Variants in NKAIN1 observed in about 807,000 individuals in gnomAD.
NKAIN1 encodes sodium/potassium-transporting ATPase subunit beta-1-interacting protein 1.
A neutral mutation model predicts 31.6 loss-of-function variants in NKAIN1; 13 were observed. The observed-to-expected ratio is 0.41, with a 90% CI of 0.27 to 0.65. The LOEUF (loss-of-function observed/expected upper bound fraction) is 0.65. NKAIN1 is among the 30% of genes least tolerant of loss of function. The probability of loss-of-function intolerance (pLI) is 0.30; values close to 1 mark genes in which losing one functional copy is unlikely to be tolerated. For missense variants in NKAIN1, 193 were observed against 262.2 expected, an observed-to-expected ratio of 0.74 and a Z score of 1.82; for synonymous variants, 104 against 109.0, an observed-to-expected ratio of 0.95 and a Z score of 0.28.
At chr1:31,217,672 C>T (rs554610407) in intron 1 of NKAIN1, among the ~76,000 whole-genome samples, 2 of 152,324 alleles carry the variant, frequency 1.3e-5, no homozygotes, top group South Asian at 2.1e-4. Flanking sequence ...TGGAATTACA[C>T]GCCCAGTCTC....
At chr1:31,218,074 T>TCTTTCTCTTTCTTTCTTTC (rs1570472285) in intron 1 of NKAIN1, among the ~76,000 whole-genome samples, 1 of 148,280 alleles carries the variant, frequency 6.7e-6, no homozygotes, top group African/African-American at 2.6e-5. Context: ...CTTTCTTTTT[T>TCTTTCTCTTTCTTTCTTTC]TTTTTTGAGA....
intron 1 of NKAIN1, among the ~76,000 whole-genome samples, chr1:31,223,521 T>G (rs1426803978): frequency 6.6e-6 from 1 of 152,162 alleles, no homozygotes; most frequent in South Asian, 2.1e-4. Flanking sequence ...CTCCGCTTAC[T>G]GCAAGCTCCA....
In NKAIN1 at chr1:31,239,527, G is replaced by C; in HGVS notation, c.21C>G (p.Arg7=). The part of the protein sequence containing the change: MGKCSG[R]CTLVAFCCLQ... Reference sequence around the variant, plus strand: ...GGCAGCAGAAGGCGACCAGCGTGCAGCGCCCGCTGCACTTGCCCATGGCTC... The same window carrying C: ...GGCAGCAGAAGGCGACCAGCGTGCACCGCCCGCTGCACTTGCCCATGGCTC... The change falls in exon 1 of 7, where the codon CGC becomes CGG. Residue 7 remains arginine (R), a synonymous_variant. Transcript: ENST00000373736. The surrounding 1 kb of genome is among the most constrained non-coding windows in gnomAD (Gnocchi z 4.8). 1 of 1,370,314 alleles carries C rather than the reference G, an allele frequency of 7.3e-7. No homozygotes were observed. Among genetic ancestry groups the C allele is most frequent in the Non-Finnish European group, 9.4e-7 (1 of 1,066,142 alleles). 84.9% of individuals were successfully genotyped at this position (1,370,314 alleles called of 1,614,324 possible).
At chr1:31,235,402 G>A (rs536794133) in intron 1 of NKAIN1, among the ~76,000 whole-genome samples, 23 of 152,226 alleles carry the variant, frequency 1.5e-4, no homozygotes, top group South Asian at 8.3e-4. Flanking sequence ...GAAAGGAACC[G>A]GATCAAGATG....
At chr1:31,219,111 A>C (rs897060330) in intron 1 of NKAIN1, among the ~76,000 whole-genome samples, 12 of 152,400 alleles carry the variant, frequency 7.9e-5, no homozygotes, top group Non-Finnish European at 1.8e-4. Context: ...GTTACAAACC[A>C]AACTAACAAC....
In NKAIN1 at chr1:31,184,350, G is replaced by A. The variant is rs560057642; in HGVS notation, c.274-336C>T. 3.9e-5 allele frequency among the ~76,000 whole-genome samples: 6 copies of A among 152,244 alleles called. No homozygotes were observed. In the East Asian group the frequency reaches 7.7e-4, roughly 20 times the overall value. On this transcript the variant is annotated intron_variant, in intron 3 of 6. Transcript: ENST00000373736. Reference sequence around the variant, plus strand: ...GCTCCCCCTGTGTGCGACCCTGGGCGAACCTCTCCTTTGGGGCCTTGGTCT... The same window carrying A: ...GCTCCCCCTGTGTGCGACCCTGGGCAAACCTCTCCTTTGGGGCCTTGGTCT...
chr1:31,187,914 C>T, intron 2 of NKAIN1, 136 bp downstream of exon 2: 2 of 918,722 alleles, frequency 2.2e-6, no homozygotes, highest in Non-Finnish European at 1.6e-6. Context: ...GCACATTCAC[C>T]CCATCTTGTT....
chr1:31,182,018 A>C (rs767249416), intron 5 of NKAIN1, 77 bp from the exon 6 acceptor site: 49 of 1,411,144 alleles, frequency 3.5e-5, no homozygotes, highest in Non-Finnish European at 4.7e-5. Flanking sequence ...GAAGGGGAAG[A>C]ATCTGAGGGC....
intron 1 of NKAIN1, among the ~76,000 whole-genome samples, chr1:31,199,326 A>G (rs1301237582): frequency 6.6e-6 from 1 of 152,220 alleles, no homozygotes; most frequent in Non-Finnish European, 1.5e-5. Flanking sequence ...GAGGATTCAG[A>G]CAGTGCCCAT....
intron 4 of NKAIN1, among the ~76,000 whole-genome samples, chr1:31,183,509 T>A (rs1381699419): frequency 7.0e-6 from 1 of 142,984 alleles, no homozygotes; most frequent in Non-Finnish European, 1.5e-5. Context: ...AGTACAATGG[T>A]GCAATCTTGG....
chr1:31,201,748 C>T (rs1006345920), intron 1 of NKAIN1, among the ~76,000 whole-genome samples: 3 of 152,232 alleles, frequency 2.0e-5, no homozygotes, highest in Non-Finnish European at 2.9e-5. Flanking sequence ...TGACTCCAAC[C>T]AGTCTGGGGC....
rs757828853 is a variant in NKAIN1, at chr1:31,180,783, G to T, written c.*920C>A. 1 of 152,340 alleles carries T rather than the reference G, an allele frequency of 6.6e-6. No individual in the cohort carries two copies. Among genetic ancestry groups the T allele is most frequent in the Non-Finnish European group, 1.5e-5 (1 of 68,150 alleles). The allele number at this position is 152,340 out of a possible 1,614,324, so 9.4% of individuals were successfully genotyped here. A position where few individuals can be genotyped will look rare whatever the true frequency, so the allele number is the denominator to read the frequency against. On this transcript the variant is annotated 3_prime_UTR_variant, in exon 7 of 7. Transcript: ENST00000373736. Reference sequence around the variant, plus strand: ...GGTGGACAGAGGCTGAGTGTAGGAAGGCTTCTCTGTGGGTGGGGCTGAATT... The same window carrying T: ...GGTGGACAGAGGCTGAGTGTAGGAATGCTTCTCTGTGGGTGGGGCTGAATT...
At position 31,188,179 on chromosome 1, in the gene NKAIN1, C is replaced by G; in HGVS notation, c.63G>C (p.Ala21=). Residue 21 remains alanine, a synonymous_variant, in exon 2 of 7, where the codon GCG becomes GCC. Transcript: ENST00000373736. ...GGAAGTCAAAGATCTGCCGCTCCAG[C>G]GCAGCCACCTGTGGAAGAGACAGGC... The part of the protein sequence containing the change: ...VAFCCLQLVA[A]LERQIFDFLG... The G allele has an allele frequency of 6.4e-7, 1 of 1,551,404 alleles. No homozygotes were observed. Among genetic ancestry groups the G allele is most frequent in the South Asian group, 1.2e-5 (1 of 84,036 alleles).
Position 31,181,616 on chromosome 1 carries a change from C to A in NKAIN1, c.*87G>T, listed in dbSNP as rs376926059. On this transcript the variant is annotated 3_prime_UTR_variant, in exon 7 of 7. Coordinates refer to ENST00000373736, the MANE Select transcript of NKAIN1 (RefSeq NM_024522.3). The stretch of plus-strand genomic sequence containing the variant: ...AGGCTGCAGTGAGCGCGCGGGCCAC[C>A]AGGGGGACACGCCTGCGCCTTGGCC... 2.4e-4 allele frequency: 313 copies of A among 1,313,112 alleles called. 2 individuals carry two copies. In the Middle Eastern group the frequency reaches 3.1e-3, roughly 13 times the overall value. The allele number at this position is 1,313,112 out of a possible 1,614,324, so 81.3% of individuals were successfully genotyped here.
intron 1 of NKAIN1, among the ~76,000 whole-genome samples, chr1:31,191,896 C>G (rs377760578): frequency 3.3e-4 from 50 of 152,340 alleles, no homozygotes; most frequent in African/African-American, 1.0e-3. Flanking sequence ...CCTGCCTCAC[C>G]TCCTTAGTAG....
In NKAIN1 at chr1:31,183,998, A is replaced by G; in HGVS notation, c.290T>C (p.Met97Thr). 6.2e-7 allele frequency: 1 copy of G among 1,613,730 alleles called. No individual in the cohort carries two copies. Among genetic ancestry groups the G allele is most frequent in the Non-Finnish European group, 8.5e-7 (1 of 1,179,846 alleles). Residue 97 changes from methionine (M) to threonine (T), a missense_variant, in exon 4 of 7, where the codon ATG becomes ACG. Transcript: ENST00000373736. ...GQLSQDRDFI[M>T]TFNTSLHRSW... ...GCGGTGCAGGGATGTGTTGAAGGTC[A>G]TGATGAAGTCCCGGTCCTGGGGGCA...
intron 1 of NKAIN1, among the ~76,000 whole-genome samples, chr1:31,228,770 A>AT (rs1013221591): frequency 2.6e-5 from 4 of 152,056 alleles, no homozygotes; most frequent in African/African-American, 7.2e-5. Context: ...ATTAAAAAAA[A>AT]TTTTTTTTAG....
At chr1:31,184,361 T>C (rs1236757013) in intron 3 of NKAIN1, among the ~76,000 whole-genome samples, 2 of 152,104 alleles carry the variant, frequency 1.3e-5, no homozygotes, top group Non-Finnish European at 2.9e-5. Context: ...AACCTCTCCT[T>C]TGGGGCCTTG....
chr1:31,211,741 G>A (rs1309080692), intron 1 of NKAIN1, among the ~76,000 whole-genome samples: 1 of 152,026 alleles, frequency 6.6e-6, no homozygotes, highest in African/African-American at 2.4e-5. Flanking sequence ...TTGAGTTCGA[G>A]TCCAGCCTGG....
Sources: gnomAD v4.1 joint callset for allele counts (sites outside exome capture counted in the v4.1 genomes callset) on GRCh38, gnomAD v4.1.1 for gene constraint, Gnocchi (gnomAD v3.1) non-coding constraint, MANE v1.5 for transcripts, NCBI Gene and HGNC (gene_info 2026-07-23, HGNC 2026-07-21) for gene names.